HIGD1A: variants seen among roughly 807,000 people sequenced by gnomAD.
HIGD1A encodes the protein HIG1 domain family member 1A, mitochondrial.
Under a neutral mutation model 11.3 loss-of-function variants are expected in HIGD1A, and 8 were observed. That is an observed-to-expected ratio of 0.71 (90% CI 0.42 to 1.28). HIGD1A has a LOEUF of 1.28. HIGD1A is among the 50% of genes most tolerant of loss of function. The probability of loss-of-function intolerance (pLI) is 0.01; values close to 1 mark genes in which losing one functional copy is unlikely to be tolerated. For synonymous variants in HIGD1A, 32 were observed against 38.4 expected, an observed-to-expected ratio of 0.83 and a Z score of 0.62; for missense variants, 107 against 118.8, an observed-to-expected ratio of 0.90 and a Z score of 0.46.
rs145760151 is a variant in HIGD1A at position 42,799,734 on chromosome 3, A to T, written c.-23+4702T>A. 1.1e-4 allele frequency among the ~76,000 whole-genome samples: 16 copies of T among 152,090 alleles called. 1 individual carries two copies. In the East Asian group the frequency reaches 3.1e-3, roughly 29 times the overall value. On this transcript the variant is annotated intron_variant, in intron 1 of 3. Transcript: ENST00000321331. ...GCCTCCCAAAGTGCTAGGATTATAG[A>T]CGTGAACCATCATGCCTGGCTCCAT...
intron 2 of HIGD1A, among the ~76,000 whole-genome samples, chr3:42,793,694 A>C (rs1001187482): frequency 2.0e-5 from 3 of 152,240 alleles, no homozygotes; most frequent in Non-Finnish European, 2.9e-5. Flanking sequence ...AAGAAGTCTC[A>C]GCTGGAGTGG....
At chr3:42,789,350 G>T (rs916428609) in intron 2 of HIGD1A, among the ~76,000 whole-genome samples, 3 of 151,890 alleles carry the variant, frequency 2.0e-5, no homozygotes, top group Non-Finnish European at 2.9e-5. Flanking sequence ...GCCTACTTTG[G>T]GAATTAACCA....
rs764059644 is a variant in HIGD1A, at chr3:42,785,304, C to T, written c.249G>A (p.Met83Ile). Residue 83 changes from methionine (M) to isoleucine (I), a missense_variant, in exon 4 of 4, where the codon ATG becomes ATA. Physicochemically the swap from Met to Ile is conservative, Grantham distance 10. Coordinates refer to ENST00000321331, the MANE Select transcript of HIGD1A (RefSeq NM_014056.4). The part of the protein sequence containing the change: ...GAMTVGMGYS[M>I]YREFWAKPKP ...TAGGTTTTGCCCAGAATTCCCGATA[C>T]ATGGAATAGCCCATACCTAAAGAAA... is the stretch of plus-strand genomic sequence containing the variant. 6.2e-7 allele frequency: 1 copy of T among 1,610,466 alleles called. No individual in the cohort carries two copies. The highest frequency in any genetic ancestry group is 1.3e-5 in the African/African-American group (1 of 74,816).
intron 1 of HIGD1A, among the ~76,000 whole-genome samples, chr3:42,800,532 C>A (rs1401686789): frequency 6.6e-6 from 1 of 151,982 alleles, no homozygotes; most frequent in African/African-American, 2.4e-5. Context: ...CCCTTTCCAT[C>A]CCCTTCAGAT....
At chr3:42,799,846 A>C (rs1405258814) in intron 1 of HIGD1A, among the ~76,000 whole-genome samples, 1 of 152,172 alleles carries the variant, frequency 6.6e-6, no homozygotes, top group Admixed American at 6.5e-5. Context: ...TAGTTGTCAA[A>C]AGCCTAACAC....
intron 3 of HIGD1A, among the ~76,000 whole-genome samples, chr3:42,785,595 G>T (rs1700339878): frequency 6.6e-6 from 1 of 152,130 alleles, no homozygotes; most frequent in African/African-American, 2.4e-5. Flanking sequence ...TATTTATCTG[G>T]TAACTTTGAA....
At chr3:42,793,790 G>A (rs955655702) in intron 2 of HIGD1A, among the ~76,000 whole-genome samples, 1 of 152,118 alleles carries the variant, frequency 6.6e-6, no homozygotes, top group Non-Finnish European at 1.5e-5. Context: ...AGGCAGTATC[G>A]CAAAACCCCG....
chr3:42,795,945 T>C (rs1339808521), intron 1 of HIGD1A, among the ~76,000 whole-genome samples: 2 of 152,206 alleles, frequency 1.3e-5, no homozygotes, highest in Non-Finnish European at 2.9e-5. Flanking sequence ...AGTGTAAGCA[T>C]ACAAGTCTCT....
At chr3:42,792,059 A>G (rs1208450547) in intron 2 of HIGD1A, among the ~76,000 whole-genome samples, 2 of 152,196 alleles carry the variant, frequency 1.3e-5, no homozygotes, top group East Asian at 3.8e-4. Context: ...ATTATAAATA[A>G]TAGTTTATGG....
At chr3:42,794,823 G>C (rs539067299) in intron 1 of HIGD1A, among the ~76,000 whole-genome samples, 26 of 152,202 alleles carry the variant, frequency 1.7e-4, no homozygotes, top group Admixed American at 7.2e-4. Context: ...GTCTATTACA[G>C]TAATCTGTTA....
At chr3:42,795,046 T>C (rs1051373181) in intron 1 of HIGD1A, among the ~76,000 whole-genome samples, 18 of 152,136 alleles carry the variant, frequency 1.2e-4, no homozygotes, top group African/African-American at 1.9e-4. Context: ...TGGAGTGCAG[T>C]GGCACGATCT....
chr3:42,786,798 T>C (rs1331482455), intron 2 of HIGD1A, among the ~76,000 whole-genome samples: 1 of 152,156 alleles, frequency 6.6e-6, no homozygotes. Context: ...TTTTAAGAGA[T>C]GGGGTCTTGC....
chr3:42,804,094 CG>C, intron 1 of HIGD1A: 1 of 1,431,826 alleles, frequency 7.0e-7, no homozygotes, highest in Non-Finnish European at 9.6e-7. Flanking sequence ...TCCCCGCCGT[CG>C]GGCCCAGTCA....
intron 3 of HIGD1A, among the ~76,000 whole-genome samples, chr3:42,785,660 T>C (rs1475717476): frequency 1.3e-5 from 2 of 152,174 alleles, no homozygotes; most frequent in Non-Finnish European, 2.9e-5. Context: ...ATAAAGCCAA[T>C]AGAAGAAGCA....
intron 1 of HIGD1A, among the ~76,000 whole-genome samples, chr3:42,794,750 A>T (rs1336940063): frequency 2.0e-5 from 3 of 152,192 alleles, no homozygotes; most frequent in Non-Finnish European, 4.4e-5. Context: ...ATTGCTTTCA[A>T]CTGCTGATTT....
intron 1 of HIGD1A, among the ~76,000 whole-genome samples, chr3:42,803,876 C>A (rs531578757): frequency 3.7e-4 from 56 of 152,230 alleles, no homozygotes; most frequent in Admixed American, 1.0e-3. Flanking sequence ...GGAGGAAACA[C>A]CAGGTCGGGG....
At chr3:42,801,503 C>T (rs941210638) in intron 1 of HIGD1A, among the ~76,000 whole-genome samples, 1 of 152,188 alleles carries the variant, frequency 6.6e-6, no homozygotes, top group Non-Finnish European at 1.5e-5. Flanking sequence ...ATAATATGTA[C>T]ACTACAAATG....
At position 42,785,269 on chromosome 3, in the gene HIGD1A, T is replaced by C. The variant is rs759327231; in HGVS notation, c.*2A>G. 3.1e-5 allele frequency: 50 copies of C among 1,609,500 alleles called. No individual in the cohort carries two copies. Among genetic ancestry groups the C allele is most frequent in the Non-Finnish European group, 1.1e-5 (13 of 1,178,006 alleles). Reference sequence around the variant, plus strand: ...AACAAGACCAAGACAGCATCTCTTCTTCTAAGGCTTAGGTTTTGCCCAGAA... The same window carrying C: ...AACAAGACCAAGACAGCATCTCTTCCTCTAAGGCTTAGGTTTTGCCCAGAA... On this transcript the variant is annotated 3_prime_UTR_variant, in exon 4 of 4. Coordinates refer to ENST00000321331, the MANE Select transcript of HIGD1A (RefSeq NM_014056.4).
intron 2 of HIGD1A, among the ~76,000 whole-genome samples, chr3:42,793,847 C>A (rs1700458894): frequency 6.6e-6 from 1 of 152,054 alleles, no homozygotes; most frequent in South Asian, 2.1e-4. Flanking sequence ...TGGTGCACAC[C>A]TGTGGTCCCA....
Sources: gnomAD v4.1 joint callset for allele counts (sites outside exome capture counted in the v4.1 genomes callset) on GRCh38, gnomAD v4.1.1 for gene constraint, MANE v1.5 for transcripts, NCBI Gene and HGNC (gene_info 2026-07-23, HGNC 2026-07-21) for gene names.